The following GRIA2 variants were observed in gnomAD, a reference collection of about 807,000 sequenced individuals.
GRIA2 encodes glutamate receptor 2.
In GRIA2, 14 loss-of-function variants were observed where a neutral mutation model predicts 97.3. That is an observed-to-expected ratio of 0.14 (90% CI 0.10 to 0.23). The LOEUF (loss-of-function observed/expected upper bound fraction) is 0.23, where lower values mean the gene tolerates loss of function less well. Among genes scored for constraint, GRIA2 ranks in the 10% least tolerant of loss-of-function variants. The pLI is 1.00. For synonymous variants in GRIA2, 412 were observed against 387.8 expected (o/e 1.06, Z -0.73); for missense variants, 558 against 1,069.8 (o/e 0.52, Z 6.67).
chr4:157,345,215 T>C (rs1735716626), intron 12 of GRIA2, among the ~76,000 whole-genome samples: 1 of 152,142 alleles, frequency 6.6e-6, no homozygotes, highest in South Asian at 2.1e-4. Context: ...TCTTCAGTGA[T>C]GATCATTAAA....
rs1367107731 is a variant in GRIA2, at chr4:157,363,722, GT to G, written c.*293del. The G allele has an allele frequency of 5.0e-5, 22 of 437,660 alleles. No individual in the cohort carries two copies. The highest frequency in any genetic ancestry group is 8.0e-5 in the Non-Finnish European group (21 of 261,292). The allele number at this position is 437,660 out of a possible 1,614,324, so 27.1% of individuals were successfully genotyped here. On this transcript the variant is annotated 3_prime_UTR_variant, in exon 16 of 16. Coordinates refer to ENST00000264426, the MANE Select transcript of GRIA2 (RefSeq NM_001083619.3). ...AGCCAAGAATTCTTAAATATGTGGA[GT>G]TCATCTTGAATTGTAAGGAATGATT... is the stretch of plus-strand genomic sequence containing the variant.
chr4:157,251,842 C>G (rs1338037568), intron 2 of GRIA2, among the ~76,000 whole-genome samples: 1 of 152,112 alleles, frequency 6.6e-6, no homozygotes, highest in Non-Finnish European at 1.5e-5. Flanking sequence ...ACCACTAGGG[C>G]AGAAGCCTTA....
At chr4:157,353,751 T>G (rs917799442) in intron 12 of GRIA2, among the ~76,000 whole-genome samples, 2 of 152,032 alleles carry the variant, frequency 1.3e-5, no homozygotes, top group Non-Finnish European at 2.9e-5. Flanking sequence ...TAAATACCAT[T>G]TACATTTTTA....
chr4:157,262,544 G>T (rs1057425912), intron 2 of GRIA2, among the ~76,000 whole-genome samples: 1 of 152,006 alleles, frequency 6.6e-6, no homozygotes, highest in Non-Finnish European at 1.5e-5. Context: ...CATCAGGAAT[G>T]AATTTTGAGT....
rs148535009 is a variant in GRIA2, at chr4:157,290,501, C to CT, written c.230-13036dup. On this transcript the variant is annotated intron_variant, in intron 2 of 15. Coordinates refer to ENST00000264426, the MANE Select transcript of GRIA2 (RefSeq NM_001083619.3). ...CCATTCTTGTCTGGTTACATCACTG[C>CT]TTTTTTTTTTTTTTTAATCCAGATT... Among the ~76,000 whole-genome samples the CT allele has an allele frequency of 8.7e-3, 1,223 of 140,930 alleles. 11 individuals are homozygous for CT. The highest frequency in any genetic ancestry group is 0.019 in the Middle Eastern group (5 of 264). The allele number at this position is 140,930 out of a possible 152,430, so 92.5% of individuals were successfully genotyped here.
chr4:157,230,034 A>T (rs1169007300), intron 2 of GRIA2, among the ~76,000 whole-genome samples: 5 of 152,152 alleles, frequency 3.3e-5, no homozygotes, highest in Non-Finnish European at 7.4e-5. Flanking sequence ...CTGATTCTTT[A>T]TCCCTACAAG....
intron 2 of GRIA2, among the ~76,000 whole-genome samples, chr4:157,284,812 G>A (rs974060531): frequency 1.3e-5 from 2 of 151,538 alleles, no homozygotes; most frequent in Non-Finnish European, 3.0e-5. Flanking sequence ...TTTCACTGCC[G>A]AATATTATTT....
chr4:157,279,249 A>G (rs1732486452), intron 2 of GRIA2, among the ~76,000 whole-genome samples: 1 of 152,132 alleles, frequency 6.6e-6, no homozygotes, highest in South Asian at 2.1e-4. Context: ...CATCCAGACA[A>G]TGGAATATTG....
chr4:157,273,966 A>G (rs560537709), intron 2 of GRIA2, among the ~76,000 whole-genome samples: 3 of 152,228 alleles, frequency 2.0e-5, no homozygotes, highest in African/African-American at 7.2e-5. Context: ...TATGTAAATA[A>G]ACATACATGG....
intron 2 of GRIA2, among the ~76,000 whole-genome samples, chr4:157,270,754 T>C (rs376746508): frequency 2.6e-5 from 4 of 151,960 alleles, no homozygotes; most frequent in Admixed American, 6.6e-5. Flanking sequence ...TGGGCCCAGA[T>C]TGGATGTCAG....
intron 11 of GRIA2, among the ~76,000 whole-genome samples, chr4:157,339,068 T>C (rs902464524): frequency 6.6e-6 from 1 of 151,944 alleles, no homozygotes; most frequent in Admixed American, 6.6e-5. Flanking sequence ...AATTAAGTGA[T>C]TTCTCATTTT....
chr4:157,339,605 ACTTTC>A (rs1337944040), intron 11 of GRIA2, among the ~76,000 whole-genome samples: 1 of 151,896 alleles, frequency 6.6e-6, no homozygotes. Context: ...CTTACATCTA[ACTTTC>A]CTTAATTTTT....
chr4:157,306,573 A>G (rs1733854909), intron 3 of GRIA2, among the ~76,000 whole-genome samples: 1 of 152,148 alleles, frequency 6.6e-6, no homozygotes, highest in African/African-American at 2.4e-5. Flanking sequence ...TCAAGTAGCT[A>G]TTGATGTTTT....
At chr4:157,283,956 T>C (rs934730069) in intron 2 of GRIA2, among the ~76,000 whole-genome samples, 6 of 151,946 alleles carry the variant, frequency 3.9e-5, no homozygotes, top group African/African-American at 1.4e-4. Context: ...GAGATTAATA[T>C]CCAGGCTAGG....
At chr4:157,356,071 A>ATT (rs1736338279) in intron 12 of GRIA2, among the ~76,000 whole-genome samples, 1 of 99,102 alleles carries the variant, frequency 1.0e-5, no homozygotes, top group African/African-American at 3.6e-5. Context: ...TTATATATTT[A>ATT]TATTTATTTA....
chr4:157,286,873 T>C (rs1732870022), intron 2 of GRIA2, among the ~76,000 whole-genome samples: 1 of 151,704 alleles, frequency 6.6e-6, no homozygotes, highest in Non-Finnish European at 1.5e-5. Context: ...TTCTTTCTTT[T>C]CTATTTGATT....
chr4:157,312,235 A>AT (rs1734114416), intron 3 of GRIA2, among the ~76,000 whole-genome samples: 1 of 152,128 alleles, frequency 6.6e-6, no homozygotes, highest in South Asian at 2.1e-4. Context: ...TAGATTCCTC[A>AT]TTCAAAATGT....
chr4:157,357,654 C>T (rs1295897747), intron 12 of GRIA2, among the ~76,000 whole-genome samples: 1 of 152,014 alleles, frequency 6.6e-6, no homozygotes, highest in Non-Finnish European at 1.5e-5. Context: ...AAATGACTAA[C>T]AGAACTTGTA....
intron 12 of GRIA2, among the ~76,000 whole-genome samples, chr4:157,342,980 C>T (rs1428603608): frequency 1.3e-5 from 2 of 152,034 alleles, no homozygotes; most frequent in Middle Eastern, 3.2e-3. Context: ...CATAGAAACA[C>T]GTGTCTTAAT....
Sources: allele counts gnomAD v4.1 joint callset (sites outside exome capture counted in the v4.1 genomes callset), GRCh38; gene constraint gnomAD v4.1.1; transcripts MANE v1.5; gene names NCBI Gene and HGNC (gene_info 2026-07-23, HGNC 2026-07-21).